The following DYM variants were observed in gnomAD, a reference collection of about 807,000 sequenced individuals.
The protein encoded by DYM is dyggve-Melchior-Clausen syndrome protein.
In DYM, 78 loss-of-function variants were observed where a neutral mutation model predicts 93.1. That is an observed-to-expected ratio of 0.84 (90% confidence interval 0.70 to 1.01). DYM has a LOEUF of 1.01. Among genes scored for constraint, DYM ranks in the 50% least tolerant of loss-of-function variants. DYM has a pLI of 0.00. For synonymous variants in DYM, 321 were observed against 319.7 expected, an observed-to-expected ratio of 1.00 and a Z score of -0.04; for missense variants, 789 against 845.0, an observed-to-expected ratio of 0.93 and a Z score of 0.82.
chr18:49,095,476 T>C (rs2079461249), intron 17 of DYM, among the ~76,000 whole-genome samples: 1 of 151,468 alleles, frequency 6.6e-6, no homozygotes, highest in Admixed American at 6.6e-5. Flanking sequence ...GTTTTTAAAC[T>C]GAATCATCCA....
rs926750181 is a variant in DYM, at chr18:49,042,198, A to G, written c.*1857T>C. 1.3e-5 allele frequency: 2 copies of G among 153,054 alleles called. No homozygotes were observed. The highest frequency in any genetic ancestry group is 2.1e-4 in the South Asian group (1 of 4,828). 9.5% of individuals were successfully genotyped at this position (153,054 alleles called of 1,614,324 possible). ...TTGCCAAGCCTCACCTCTAGCCTGT[A>G]CATGGGCTCTGAGGTGAACACAGGA... On this transcript the variant is annotated 3_prime_UTR_variant, in exon 18 of 18. Coordinates refer to ENST00000675505, the MANE Select transcript of DYM (RefSeq NM_001353214.3).
chr18:49,064,485 G>C (rs1394969936), intron 17 of DYM, among the ~76,000 whole-genome samples: 1 of 152,118 alleles, frequency 6.6e-6, no homozygotes, highest in East Asian at 1.9e-4. Flanking sequence ...CCACACCAGG[G>C]TCTATGACTT....
At chr18:49,078,343 A>G (rs1177690487) in intron 17 of DYM, among the ~76,000 whole-genome samples, 1 of 152,124 alleles carries the variant, frequency 6.6e-6, no homozygotes, top group African/African-American at 2.4e-5. Context: ...CTGTATCAAA[A>G]CATCTCATGT....
At chr18:49,364,958 T>C (rs1192320629) in intron 5 of DYM, among the ~76,000 whole-genome samples, 1 of 152,204 alleles carries the variant, frequency 6.6e-6, no homozygotes, top group African/African-American at 2.4e-5. Context: ...GCCTCTTGCG[T>C]TGCATATGTT....
At chr18:49,220,739 T>C (rs1013474804) in intron 13 of DYM, among the ~76,000 whole-genome samples, 7 of 152,316 alleles carry the variant, frequency 4.6e-5, no homozygotes, top group South Asian at 2.1e-4. Context: ...CCTTACATCT[T>C]ATACAAAAAT....
intron 14 of DYM, among the ~76,000 whole-genome samples, chr18:49,175,574 T>A (rs1009942876): frequency 2.0e-5 from 3 of 152,186 alleles, no homozygotes; most frequent in African/African-American, 4.8e-5. Context: ...GGACAAGAGC[T>A]AAAATGATGT....
intron 8 of DYM, among the ~76,000 whole-genome samples, chr18:49,309,966 T>C (rs1350541678): frequency 6.6e-6 from 1 of 152,160 alleles, no homozygotes; most frequent in East Asian, 1.9e-4. Context: ...AATGGTTCAG[T>C]GTATAGCCAG....
chr18:49,221,698 T>C (rs550485740), intron 13 of DYM, among the ~76,000 whole-genome samples: 5 of 152,104 alleles, frequency 3.3e-5, no homozygotes, highest in East Asian at 3.9e-4. Context: ...TAGGTGGGAA[T>C]TGAACAATGA....
chr18:49,145,848 TTCAATATGTGGTCTA>T (rs1410586616), intron 15 of DYM, among the ~76,000 whole-genome samples: 1 of 152,202 alleles, frequency 6.6e-6, no homozygotes, highest in Non-Finnish European at 1.5e-5. Flanking sequence ...CAAGTAGTCT[TTCAATATGTGGTCTA>T]TTTTACTTGT....
At chr18:49,435,876 C>T (rs147040487) in intron 1 of DYM, among the ~76,000 whole-genome samples, 221 of 152,270 alleles carry the variant, frequency 1.5e-3, no homozygotes, top group African/African-American at 5.1e-3. Flanking sequence ...CTTTCTTTCA[C>T]AACCACTAGG....
rs72415237 is a variant in DYM at position 49,292,592 on chromosome 18, GAAAAAAAAAAAA to G, written c.764-5988_764-5977del. Among the ~76,000 whole-genome samples, 400 of 78,772 alleles carry G rather than the reference GAAAAAAAAAAAA, an allele frequency of 5.1e-3. 11 individuals are homozygous for G. The East Asian group carries it at 0.072, about 14-fold the overall frequency. The allele number at this position is 78,772 out of a possible 152,430, so 51.7% of individuals were successfully genotyped here. ...TTAGTGGAATTGCATTTTCCTGTTG[GAAAAAAAAAAAA>G]AAAAAAAAAAAAAAAAAAAAACCCC... On this transcript the variant is annotated intron_variant, in intron 8 of 17. Transcript: ENST00000675505.
In DYM at chr18:49,317,593, CTCT is replaced by C. The variant is rs1568236019; in HGVS notation, c.763+14268_763+14270del. On this transcript the variant is annotated intron_variant, in intron 8 of 17. Coordinates refer to ENST00000675505, the MANE Select transcript of DYM (RefSeq NM_001353214.3). Reference sequence around the variant, plus strand: ...TCTCTCTCTCTCTCTCTCTCTCTCTCTCTCCCCCCTCCCCCCTCCCTCCCTCCC... The same window carrying C: ...TCTCTCTCTCTCTCTCTCTCTCTCTCCCCCCCTCCCCCCTCCCTCCCTCCC... Among the ~76,000 whole-genome samples the C allele has an allele frequency of 2.4e-3, 24 of 10,096 alleles. No individual in the cohort carries two copies. In the East Asian group the frequency reaches 0.071, roughly 30 times the overall value. The allele number at this position is 10,096 out of a possible 152,430, so 6.6% of individuals were successfully genotyped here. A position where few individuals can be genotyped will look rare whatever the true frequency, so the allele number is the denominator to read the frequency against.
intron 8 of DYM, among the ~76,000 whole-genome samples, chr18:49,305,432 C>T (rs891114528): frequency 2.0e-5 from 3 of 152,196 alleles, no homozygotes; most frequent in African/African-American, 4.8e-5. Context: ...AAACTTCTAA[C>T]AACAATCCCT....
At chr18:49,459,161 C>T (rs2083263563) in intron 1 of DYM, among the ~76,000 whole-genome samples, 1 of 152,204 alleles carries the variant, frequency 6.6e-6, no homozygotes, top group African/African-American at 2.4e-5. Flanking sequence ...ATTGCCCCAA[C>T]TCAGTTCTCT....
intron 15 of DYM, among the ~76,000 whole-genome samples, chr18:49,153,208 C>T (rs2086013768): frequency 6.6e-6 from 1 of 152,162 alleles, no homozygotes; most frequent in Admixed American, 6.5e-5. Flanking sequence ...TATAGCAAAT[C>T]ATGTCATATA....
intron 17 of DYM, among the ~76,000 whole-genome samples, chr18:49,095,502 C>G (rs1291023794): frequency 6.7e-6 from 1 of 148,960 alleles, no homozygotes; most frequent in Non-Finnish European, 1.5e-5. Flanking sequence ...TATCCTTTTG[C>G]AACCATGAAG....
At chr18:49,264,425 G>C (rs550460859) in intron 11 of DYM, among the ~76,000 whole-genome samples, 1 of 152,154 alleles carries the variant, frequency 6.6e-6, no homozygotes, top group South Asian at 2.1e-4. Context: ...CCCACTACCA[G>C]CATATGAGAG....
chr18:49,070,045 A>G (rs770541721), intron 17 of DYM, among the ~76,000 whole-genome samples: 66 of 152,324 alleles, frequency 4.3e-4, no homozygotes, highest in African/African-American at 1.5e-3. Flanking sequence ...TGTCTCAAAA[A>G]CAGACAAATA....
chr18:49,105,104 T>C (rs1335419170), intron 16 of DYM, among the ~76,000 whole-genome samples: 3 of 152,224 alleles, frequency 2.0e-5, no homozygotes, highest in Admixed American at 1.3e-4. Flanking sequence ...ATTGGTCTAT[T>C]CAGAGATTCA....
Sources: gnomAD v4.1 joint callset for allele counts (sites outside exome capture counted in the v4.1 genomes callset) on GRCh38, gnomAD v4.1.1 for gene constraint, MANE v1.5 for transcripts, NCBI Gene and HGNC (gene_info 2026-07-23, HGNC 2026-07-21) for gene names.